UBE3D: variants seen among roughly 807,000 people sequenced by gnomAD.
UBE3D encodes the protein ubiquitin protein ligase E3D, also known as E3 ubiquitin-protein ligase E3D.
Under a neutral mutation model 49.6 loss-of-function variants are expected in UBE3D, and 48 were observed. That is an observed-to-expected ratio of 0.97 (90% confidence interval 0.77 to 1.23). The LOEUF (loss-of-function observed/expected upper bound fraction) is 1.23. UBE3D is among the 50% of genes most tolerant of loss of function. The probability of loss-of-function intolerance (pLI) is 0.00; values close to 1 mark genes in which losing one functional copy is unlikely to be tolerated. For synonymous variants in UBE3D, 189 were observed against 174.2 expected (o/e 1.08, Z -0.67); for missense variants, 452 against 468.4 (o/e 0.96, Z 0.32).
intron 8 of UBE3D, among the ~76,000 whole-genome samples, chr6:82,967,827 T>G (rs976349979): frequency 1.3e-5 from 2 of 151,862 alleles, no homozygotes; most frequent in African/African-American, 4.8e-5. Flanking sequence ...AAAAAAAATT[T>G]AAGAGATGGA....
At chr6:82,908,804 G>A (rs1245589554) in intron 9 of UBE3D, among the ~76,000 whole-genome samples, 3 of 152,010 alleles carry the variant, frequency 2.0e-5, no homozygotes, top group East Asian at 1.9e-4. Flanking sequence ...ACTTACTCAC[G>A]TACTATGCTA....
At chr6:82,939,873 A>C (rs1562102896) in intron 9 of UBE3D, among the ~76,000 whole-genome samples, 1 of 152,210 alleles carries the variant, frequency 6.6e-6, no homozygotes, top group Non-Finnish European at 1.5e-5. Context: ...ATAATTATAG[A>C]CTTAGTAAGC....
intron 8 of UBE3D, among the ~76,000 whole-genome samples, chr6:82,983,968 C>G (rs1015162714): frequency 1.3e-5 from 2 of 152,038 alleles, no homozygotes; most frequent in Admixed American, 1.3e-4. Context: ...TGGTTTAAAT[C>G]ATATTTTGCC....
At chr6:83,036,810 C>T (rs1981190) in intron 5 of UBE3D, 117,072 of 150,954 alleles carry the variant, frequency 0.78, 45,530 homozygotes, top group East Asian at 0.91. Context: ...AATAGTGCAC[C>T]ACAGCCTTGA....
intron 9 of UBE3D, among the ~76,000 whole-genome samples, chr6:82,944,709 G>GTCCTGAGCCA (rs1301540623): frequency 6.6e-6 from 1 of 152,196 alleles, no homozygotes; most frequent in Non-Finnish European, 1.5e-5. Flanking sequence ...TTCTCGATCT[G>GTCCTGAGCCA]TCCTGAGCCA....
At chr6:82,952,747 CCT>C (rs1775893794) in intron 9 of UBE3D, among the ~76,000 whole-genome samples, 2 of 152,060 alleles carry the variant, frequency 1.3e-5, no homozygotes, top group African/African-American at 4.8e-5. Flanking sequence ...AGAAAAATCC[CCT>C]CTCTACCCAA....
At chr6:82,916,957 T>C (rs1030300778) in intron 9 of UBE3D, among the ~76,000 whole-genome samples, 3 of 152,176 alleles carry the variant, frequency 2.0e-5, no homozygotes, top group African/African-American at 4.8e-5. Flanking sequence ...CTTTCTCCTA[T>C]TGTGTCTAAA....
intron 9 of UBE3D, among the ~76,000 whole-genome samples, chr6:82,916,353 A>G (rs1244127749): frequency 1.3e-5 from 2 of 152,244 alleles, no homozygotes; most frequent in Non-Finnish European, 2.9e-5. Context: ...CATTACTGAC[A>G]TCTAAGTATG....
intron 9 of UBE3D, among the ~76,000 whole-genome samples, chr6:82,929,992 TC>T (rs1315507370): frequency 2.0e-5 from 3 of 151,932 alleles, no homozygotes; most frequent in African/African-American, 4.8e-5. Context: ...TTTGGCTGCA[TC>T]CCCCCCAAAA....
At chr6:83,058,454 G>A (rs1783957729) in intron 1 of UBE3D, among the ~76,000 whole-genome samples, 1 of 152,202 alleles carries the variant, frequency 6.6e-6, no homozygotes, top group Non-Finnish European at 1.5e-5. Flanking sequence ...TATCAGGTGT[G>A]AAAGGACTTA....
At chr6:82,953,858 G>A (rs150000117) in intron 9 of UBE3D, among the ~76,000 whole-genome samples, 1 of 152,208 alleles carries the variant, frequency 6.6e-6, no homozygotes, top group Non-Finnish European at 1.5e-5. Flanking sequence ...TGTGAAGAAG[G>A]GGGGTCAGGT....
Position 82,919,399 on chromosome 6 carries a change from C to T in UBE3D, c.1150-26357G>A, listed in dbSNP as rs142785083. Among the ~76,000 whole-genome samples the T allele has an allele frequency of 9.1e-3, 1,378 of 151,420 alleles. 21 individuals carry two copies. The highest frequency in any genetic ancestry group is 0.032 in the African/African-American group (1,309 of 41,224). On this transcript the variant is annotated intron_variant, in intron 9 of 9. Transcript: ENST00000369747. Reference sequence around the variant, plus strand: ...CAAGCAGATCACGAGGTCAGGAGATCGAGACCATCCTGGCTAACACGGTGA... The same window carrying T: ...CAAGCAGATCACGAGGTCAGGAGATTGAGACCATCCTGGCTAACACGGTGA...
In UBE3D at chr6:83,003,001, T is replaced by C. The variant is rs576644220; in HGVS notation, c.1010+15972A>G. Among the ~76,000 whole-genome samples the C allele has an allele frequency of 1.2e-4, 18 of 152,344 alleles. No individual in the cohort carries two copies. In the South Asian group the frequency reaches 3.5e-3, roughly 30 times the overall value. On this transcript the variant is annotated intron_variant, in intron 8 of 9. Coordinates refer to ENST00000369747, the MANE Select transcript of UBE3D (RefSeq NM_198920.3). ...GTGTATTTACCATGCTGCCTTAACG[T>C]GACTGTAAGTTCCTGTTTGGCAAAA...
chr6:82,965,547 T>C (rs1264536892), intron 8 of UBE3D, among the ~76,000 whole-genome samples: 1 of 130,998 alleles, frequency 7.6e-6, no homozygotes, highest in African/African-American at 3.0e-5. Context: ...ACCGCCATTG[T>C]CCTCCAGCCT....
chr6:83,061,415 G>A (rs574880030), intron 1 of UBE3D, among the ~76,000 whole-genome samples: 2 of 152,352 alleles, frequency 1.3e-5, no homozygotes, highest in South Asian at 4.1e-4. Context: ...GTGAGTGTTG[G>A]ATGATGGTTC....
chr6:82,894,673 C>CA lies in UBE3D; in HGVS notation c.1150-1632dup, dbSNP rs540738859. Among the ~76,000 whole-genome samples the CA allele has an allele frequency of 4.6e-5, 7 of 152,242 alleles. No homozygotes were observed. The South Asian group carries it at 1.5e-3, about 32-fold the overall frequency. On this transcript the variant is annotated intron_variant, in intron 9 of 9. Transcript: ENST00000369747. ...TGTGTTTCCCCTGTCTCTCAGCTGA[C>CA]AAGAGATATTAGAAGCCTGTGAATA...
intron 5 of UBE3D, among the ~76,000 whole-genome samples, chr6:83,034,406 C>A (rs1001613699): frequency 6.6e-6 from 1 of 152,090 alleles, no homozygotes; most frequent in Non-Finnish European, 1.5e-5. Flanking sequence ...CTTCAATCAC[C>A]TTTTAGCTAA....
the UBE3D span, among the ~76,000 whole-genome samples, chr6:82,886,144 TACA>T: frequency 1.3e-5 from 2 of 152,230 alleles, no homozygotes; most frequent in Non-Finnish European, 2.9e-5. Flanking sequence ...GTGTAAGGAA[TACA>T]ACCACTGTGG....
At chr6:82,999,425 T>G (rs1411850866) in intron 8 of UBE3D, among the ~76,000 whole-genome samples, 2 of 152,120 alleles carry the variant, frequency 1.3e-5, no homozygotes, top group Non-Finnish European at 2.9e-5. Flanking sequence ...CACTCTGTCA[T>G]CCAGGCTGGA....
Sources: allele counts gnomAD v4.1 joint callset (sites outside exome capture counted in the v4.1 genomes callset), GRCh38; gene constraint gnomAD v4.1.1; transcripts MANE v1.5; gene names NCBI Gene and HGNC (gene_info 2026-07-23, HGNC 2026-07-21).